Variants in TAFA1 observed in about 807,000 individuals in gnomAD.
The protein encoded by TAFA1 is chemokine-like protein TAFA-1.
A neutral mutation model predicts 18.5 loss-of-function variants in TAFA1; 4 were observed. The ratio of observed to expected loss-of-function variants is 0.22; its 90% CI spans 0.11 to 0.49. TAFA1 has a LOEUF of 0.49. Ranked by LOEUF, TAFA1 falls within the 20% of genes least tolerant of loss-of-function variation. The pLI, the probability that TAFA1 is intolerant of heterozygous loss-of-function variation, is 0.98. For missense variants in TAFA1, 147 were observed against 169.0 expected, an observed-to-expected ratio of 0.87 and a Z score of 0.72; for synonymous variants, 56 against 55.2, an observed-to-expected ratio of 1.01 and a Z score of -0.06.
chr3:68,145,048 G>A, intron 2 of TAFA1: 1 of 1,608,472 alleles, frequency 6.2e-7, no homozygotes, highest in Non-Finnish European at 8.5e-7. Context: ...GTTTCAAAAA[G>A]TTGCTGGATC....
intron 2 of TAFA1, among the ~76,000 whole-genome samples, chr3:68,352,451 A>G (rs1050692329): frequency 1.3e-5 from 2 of 152,042 alleles, no homozygotes; most frequent in Non-Finnish European, 2.9e-5. Flanking sequence ...GTGAAAAACT[A>G]TGGAAAGGTA....
intron 2 of TAFA1, among the ~76,000 whole-genome samples, chr3:68,336,966 G>T (rs566190218): frequency 6.6e-6 from 1 of 151,972 alleles, no homozygotes; most frequent in African/African-American, 2.4e-5. Context: ...TCGGTAATCC[G>T]CCCACCTTGG....
At chr3:68,486,217 C>T (rs759451159) in intron 3 of TAFA1, among the ~76,000 whole-genome samples, 1 of 151,670 alleles carries the variant, frequency 6.6e-6, no homozygotes. Flanking sequence ...TCCTCAGCCT[C>T]CCAAAGTGCT....
intron 2 of TAFA1, among the ~76,000 whole-genome samples, chr3:68,291,623 G>A (rs1231763338): frequency 6.7e-6 from 1 of 150,116 alleles, no homozygotes; most frequent in African/African-American, 2.5e-5. Context: ...AAAAGGGAGC[G>A]AAGGCCAAAA....
intron 3 of TAFA1, among the ~76,000 whole-genome samples, chr3:68,514,399 A>G (rs1559700828): frequency 6.6e-6 from 1 of 152,176 alleles, no homozygotes. Context: ...ATATAAATAT[A>G]TATGTGTAGA....
Position 68,067,252 on chromosome 3 carries a change from C to T in TAFA1, c.118+60508C>T, listed in dbSNP as rs569035420. On this transcript the variant is annotated intron_variant, in intron 2 of 4. Transcript: ENST00000478136. ...ATATGCCTAACGTAAGGATTTGCCT[C>T]TTTAATTGTCCCAGAGCATTTTTAT... Among the ~76,000 whole-genome samples, 4 of 152,308 alleles carry T rather than the reference C, an allele frequency of 2.6e-5. No individual in the cohort carries two copies. The South Asian group carries it at 8.3e-4, about 32-fold the overall frequency.
intron 3 of TAFA1, among the ~76,000 whole-genome samples, chr3:68,434,282 CTG>C (rs2071231961): frequency 6.6e-6 from 1 of 152,096 alleles, no homozygotes; most frequent in Non-Finnish European, 1.5e-5. Context: ...AATTAAAGGA[CTG>C]TTCCGAGGAA....
chr3:68,223,903 C>T (rs747909169), intron 2 of TAFA1, among the ~76,000 whole-genome samples: 6 of 151,768 alleles, frequency 4.0e-5, no homozygotes, highest in Non-Finnish European at 8.8e-5. Context: ...CAATGCTATA[C>T]AGCCATGTTT....
At chr3:68,024,421 T>G (rs978490510) in intron 2 of TAFA1, among the ~76,000 whole-genome samples, 4 of 152,164 alleles carry the variant, frequency 2.6e-5, no homozygotes, top group African/African-American at 9.7e-5. Context: ...CTTCCTTTAA[T>G]TAAACATTCT....
At chr3:68,253,896 C>T (rs535696874) in intron 2 of TAFA1, among the ~76,000 whole-genome samples, 1 of 152,242 alleles carries the variant, frequency 6.6e-6, no homozygotes, top group East Asian at 1.9e-4. Context: ...TATTGTGTGA[C>T]ATTAGTTTCA....
chr3:68,386,528 A>C (rs1212155813), intron 2 of TAFA1, among the ~76,000 whole-genome samples: 3 of 152,150 alleles, frequency 2.0e-5, no homozygotes. Flanking sequence ...GGTGCTATGC[A>C]CATGATCTAG....
intron 2 of TAFA1, among the ~76,000 whole-genome samples, chr3:68,112,504 A>C (rs1463833598): frequency 1.3e-5 from 2 of 152,150 alleles, no homozygotes; most frequent in African/African-American, 2.4e-5. Context: ...TATTGGCCAA[A>C]ACCATAAATA....
intron 2 of TAFA1, among the ~76,000 whole-genome samples, chr3:68,157,165 T>A (rs1447553014): frequency 6.6e-6 from 1 of 152,226 alleles, no homozygotes; most frequent in Non-Finnish European, 1.5e-5. Flanking sequence ...ATTTGTTACA[T>A]TTATTTTTTA....
At chr3:68,314,560 A>G (rs1482122874) in intron 2 of TAFA1, among the ~76,000 whole-genome samples, 2 of 152,232 alleles carry the variant, frequency 1.3e-5, no homozygotes, top group Admixed American at 1.3e-4. Context: ...AAGTATCACT[A>G]TATAGTACAC....
chr3:68,420,621 G>A (rs1274446575), intron 3 of TAFA1, among the ~76,000 whole-genome samples: 2 of 152,150 alleles, frequency 1.3e-5, no homozygotes, highest in Non-Finnish European at 2.9e-5. Context: ...ATTTGGTAAT[G>A]TCTGGAGATA....
chr3:68,523,266 C>G (rs1001413110), intron 3 of TAFA1, among the ~76,000 whole-genome samples: 1 of 152,156 alleles, frequency 6.6e-6, no homozygotes, highest in African/African-American at 2.4e-5. Context: ...GCTAGTCTTC[C>G]TATTTTTCCC....
chr3:68,452,808 T>A (rs2106900356), intron 3 of TAFA1, among the ~76,000 whole-genome samples: 1 of 152,310 alleles, frequency 6.6e-6, no homozygotes, highest in East Asian at 1.9e-4. Flanking sequence ...TTTCTGACAT[T>A]TACAAAGTGT....
At chr3:68,436,029 TA>T (rs1390390439) in intron 3 of TAFA1, among the ~76,000 whole-genome samples, 2 of 152,180 alleles carry the variant, frequency 1.3e-5, no homozygotes, top group African/African-American at 4.8e-5. Context: ...TGAGGGATAC[TA>T]AGGGATAACC....
chr3:68,483,408 C>A (rs1223626993), intron 3 of TAFA1, among the ~76,000 whole-genome samples: 1 of 152,178 alleles, frequency 6.6e-6, no homozygotes, highest in Non-Finnish European at 1.5e-5. Flanking sequence ...AACCCATTTA[C>A]ATCTTTTTCA....
Sources: gnomAD v4.1 joint callset for allele counts (sites outside exome capture counted in the v4.1 genomes callset) on GRCh38, gnomAD v4.1.1 for gene constraint, MANE v1.5 for transcripts, NCBI Gene and HGNC (gene_info 2026-07-23, HGNC 2026-07-21) for gene names.